SLIT1: variants seen among roughly 807,000 people sequenced by gnomAD.
The protein encoded by SLIT1 is slit homolog 1 protein.
A neutral mutation model predicts 186.1 loss-of-function variants in SLIT1; 66 were observed. The observed-to-expected ratio is 0.35, with a 90% CI of 0.29 to 0.44. The LOEUF (loss-of-function observed/expected upper bound fraction) is 0.44. Ranked by LOEUF, SLIT1 falls within the 20% of genes least tolerant of loss-of-function variation. The pLI, the probability that SLIT1 is intolerant of heterozygous loss-of-function variation, is 1.00. For synonymous variants in SLIT1, 761 were observed against 833.8 expected, an observed-to-expected ratio of 0.91 and a Z score of 1.50; for missense variants, 1,638 against 2,037.4, an observed-to-expected ratio of 0.80 and a Z score of 3.77.
In SLIT1 at chr10:97,001,171, T is replaced by C; in HGVS notation, c.4546A>G (p.Thr1516Ala). ...TTTTCCACCTCCTCGGCAAAAGAGG[T>C]CCCATCGCTGCACTCAAAGGTGAAC... Reference protein sequence around the residue: ...RKFTFECSDGTSFAEEVEKPT... With the variant: ...RKFTFECSDGASFAEEVEKPT... Residue 1516 changes from threonine (T) to alanine (A), a missense_variant, in exon 37 of 37, where the codon ACC becomes GCC. This residue lies in a region of SLIT1 where 220 missense variants were observed against 211.3 expected (regional missense o/e 1.04). Transcript: ENST00000266058. 1 of 1,613,118 alleles carries C rather than the reference T, an allele frequency of 6.2e-7. No individual in the cohort carries two copies. Among genetic ancestry groups the C allele is most frequent in the South Asian group, 1.1e-5 (1 of 91,086 alleles).
rs778630486 is a variant in SLIT1 at position 97,049,090 on chromosome 10, C to T, written c.1330G>A (p.Asp444Asn). 6.8e-6 allele frequency: 11 copies of T among 1,613,764 alleles called. No individual in the cohort carries two copies. In the Admixed American group the frequency reaches 1.2e-4, roughly 17 times the overall value. The change falls in exon 14 of 37, where the codon GAC becomes AAC. Residue 444 changes from aspartate to asparagine, a missense_variant. By Grantham distance (23) the Asp-to-Asn change is conservative. Around this residue, in one of 3 missense-constraint regions of SLIT1, gnomAD observed 1,245 missense variants for 1,535.3 expected, o/e 0.81. Coordinates refer to ENST00000266058, the MANE Select transcript of SLIT1 (RefSeq NM_003061.3). Reference sequence around the variant, plus strand: ...TCTGCCAGCCACTTGAGGTTACAGTCGCAAATGAAAGGGTTCTGCGCCAGG... The same window carrying T: ...TCTGCCAGCCACTTGAGGTTACAGTTGCAAATGAAAGGGTTCTGCGCCAGG... ...LHLAQNPFIC[D>N]CNLKWLADFL...
chr10:97,085,420 C>T (rs955599153), intron 4 of SLIT1, among the ~76,000 whole-genome samples: 13 of 151,742 alleles, frequency 8.6e-5, no homozygotes, highest in African/African-American at 3.2e-4. Flanking sequence ...TGGAGTCTCG[C>T]ACTGTCACCC....
At chr10:97,082,490 A>G (rs1849115137) in intron 4 of SLIT1, among the ~76,000 whole-genome samples, 1 of 152,124 alleles carries the variant, frequency 6.6e-6, no homozygotes, top group Admixed American at 6.5e-5. Context: ...GCTGGAGTGC[A>G]GTGGCATGAT....
At chr10:97,171,015 G>T (rs963705236) in intron 1 of SLIT1, among the ~76,000 whole-genome samples, 2 of 152,064 alleles carry the variant, frequency 1.3e-5, no homozygotes, top group African/African-American at 4.8e-5. Context: ...ATCACAGCTT[G>T]CGGTGGATGG....
intron 1 of SLIT1, among the ~76,000 whole-genome samples, chr10:97,165,366 AG>A (rs1315334037): frequency 4.6e-5 from 7 of 152,192 alleles, no homozygotes; most frequent in African/African-American, 1.7e-4. Flanking sequence ...TGGGGACACC[AG>A]TGTTATCATC....
chr10:97,098,184 C>G (rs992915581), intron 4 of SLIT1, among the ~76,000 whole-genome samples: 1 of 152,184 alleles, frequency 6.6e-6, no homozygotes, highest in Non-Finnish European at 1.5e-5. Context: ...CAGGCATAGC[C>G]CTGCCCTAAG....
At chr10:97,114,508 G>T (rs1387354930) in intron 4 of SLIT1, among the ~76,000 whole-genome samples, 2 of 152,024 alleles carry the variant, frequency 1.3e-5, no homozygotes, top group Non-Finnish European at 2.9e-5. Flanking sequence ...TTAATTAATT[G>T]GGTGTGGTGA....
intron 4 of SLIT1, among the ~76,000 whole-genome samples, chr10:97,108,558 C>T (rs940070014): frequency 6.6e-6 from 1 of 152,198 alleles, no homozygotes; most frequent in Non-Finnish European, 1.5e-5. Context: ...CCCAATAGGG[C>T]CCTCACGAAA....
chr10:96,998,791 C>G lies in SLIT1; in HGVS notation c.*2321G>C, dbSNP rs1030865056. 2.0e-5 allele frequency: 3 copies of G among 152,392 alleles called. No individual in the cohort carries two copies. Among genetic ancestry groups the G allele is most frequent in the African/African-American group, 7.2e-5 (3 of 41,450 alleles). The allele number at this position is 152,392 out of a possible 1,614,324, so 9.4% of individuals were successfully genotyped here. On this transcript the variant is annotated 3_prime_UTR_variant, in exon 37 of 37. Coordinates refer to ENST00000266058, the MANE Select transcript of SLIT1 (RefSeq NM_003061.3). ...TGGGGCCGGTCAGGGGAGCCTTAAGCTCACATGGTGCTCCCTAGGAACAAA... is the reference window on the plus strand; with the variant it reads ...TGGGGCCGGTCAGGGGAGCCTTAAGGTCACATGGTGCTCCCTAGGAACAAA...
chr10:97,157,186 A>G (rs906224571), intron 4 of SLIT1: 1 of 152,244 alleles, frequency 6.6e-6, no homozygotes, highest in Non-Finnish European at 1.5e-5. Context: ...GCTGCAGAAG[A>G]GATTCCTTAG....
chr10:97,156,528 A>G (rs1373615265), intron 4 of SLIT1, among the ~76,000 whole-genome samples: 5 of 152,198 alleles, frequency 3.3e-5, no homozygotes, highest in Non-Finnish European at 7.3e-5. Flanking sequence ...CAGTGAGCCA[A>G]GATCGTGCCA....
In SLIT1 at chr10:97,004,664, G is replaced by A. The variant is rs751111812; in HGVS notation, c.3710+29C>T. The A allele has an allele frequency of 2.9e-5, 46 of 1,613,576 alleles. No homozygotes were observed. The highest frequency in any genetic ancestry group is 3.6e-5 in the Non-Finnish European group (42 of 1,179,792). On this transcript the variant is annotated intron_variant, in intron 33 of 36. Transcript: ENST00000266058. This position sits in a 1 kb window ranked among gnomAD's most constrained non-coding sequence, Gnocchi z 5.1. Reference sequence around the variant, plus strand: ...GCCCTGGCAGTCCCGTACCCCTGAGGGCAGCTGGGGGGCATAAGGAAGCCC... The same window carrying A: ...GCCCTGGCAGTCCCGTACCCCTGAGAGCAGCTGGGGGGCATAAGGAAGCCC...
intron 13 of SLIT1, among the ~76,000 whole-genome samples, chr10:97,054,261 C>T (rs1209162510): frequency 6.6e-6 from 1 of 151,928 alleles, no homozygotes; most frequent in Non-Finnish European, 1.5e-5. Flanking sequence ...ATGGCACTCC[C>T]CCTCCCTCTC....
chr10:97,067,559 G>A (rs1434052506), intron 4 of SLIT1, among the ~76,000 whole-genome samples: 2 of 152,158 alleles, frequency 1.3e-5, no homozygotes, highest in Non-Finnish European at 2.9e-5. Context: ...GGTGGGTGGT[G>A]GCTCCAGAAT....
intron 14 of SLIT1, 31 bp downstream of exon 14, chr10:97,048,916 TAGGTGGAC>T (rs1264667754): frequency 1.9e-6 from 3 of 1,587,176 alleles, no homozygotes; most frequent in African/African-American, 1.4e-5. Context: ...GGCAGGCAGG[TAGGTGGAC>T]AGGTGGGCAG....
chr10:97,116,961 A>G (rs1371800719), intron 4 of SLIT1, among the ~76,000 whole-genome samples: 1 of 151,786 alleles, frequency 6.6e-6, no homozygotes, highest in Non-Finnish European at 1.5e-5. Context: ...TCTGCTGCCC[A>G]CTGTTGTGAG....
At position 97,004,261 on chromosome 10, in the gene SLIT1, A is replaced by C; in HGVS notation, c.3711-39T>G. ...GGGTTCCCCGTTCCAGGGAGTGGGC[A>C]TCAGTCTGGACCATCCCTGCCTGGG... On this transcript the variant is annotated intron_variant, in intron 33 of 36. Coordinates refer to ENST00000266058, the MANE Select transcript of SLIT1 (RefSeq NM_003061.3). The surrounding 1 kb of genome is among the most constrained non-coding windows in gnomAD (Gnocchi z 5.1). The C allele has an allele frequency of 6.3e-7, 1 of 1,584,990 alleles. No individual in the cohort carries two copies. Among genetic ancestry groups the C allele is most frequent in the South Asian group, 1.1e-5 (1 of 88,810 alleles).
At chr10:97,178,479 C>T (rs570813646) in intron 1 of SLIT1, among the ~76,000 whole-genome samples, 1 of 152,138 alleles carries the variant, frequency 6.6e-6, no homozygotes, top group Non-Finnish European at 1.5e-5. Flanking sequence ...AGGAGCTCTT[C>T]CAAATTAAGG....
chr10:97,025,745 T>C (rs895360889), intron 25 of SLIT1, among the ~76,000 whole-genome samples: 2 of 152,202 alleles, frequency 1.3e-5, no homozygotes, highest in Admixed American at 1.3e-4. Context: ...ATGGAAATAG[T>C]TGAAACAGTA....
Sources: gnomAD v4.1 joint callset for allele counts (sites outside exome capture counted in the v4.1 genomes callset) on GRCh38, gnomAD v4.1.1 for gene constraint, gnomAD v4.1.1 regional missense constraint, Gnocchi (gnomAD v3.1) non-coding constraint, MANE v1.5 for transcripts, NCBI Gene and HGNC (gene_info 2026-07-23, HGNC 2026-07-21) for gene names.